The following PDZK1 variants were observed in gnomAD, a reference collection of about 807,000 sequenced individuals.
PDZK1 encodes the protein Na(+)/H(+) exchange regulatory cofactor NHE-RF3.
PDZK1 carries 23 observed loss-of-function variants against 38.1 expected under a neutral mutation model. That is an observed-to-expected ratio of 0.60 (90% CI 0.43 to 0.85). The LOEUF (loss-of-function observed/expected upper bound fraction) is 0.85, where lower values mean the gene tolerates loss of function less well. PDZK1 is among the 40% of genes least tolerant of loss of function. The probability of loss-of-function intolerance (pLI) is 0.00; values close to 1 mark genes in which losing one functional copy is unlikely to be tolerated. For synonymous variants in PDZK1, 98 were observed against 186.2 expected (o/e 0.53, Z 3.86); for missense variants, 297 against 504.3 (o/e 0.59, Z 3.94).
intron 1 of PDZK1, among the ~76,000 whole-genome samples, chr1:145,700,407 C>T (rs781996301): frequency 3.9e-5 from 6 of 152,134 alleles, no homozygotes; most frequent in Non-Finnish European, 7.3e-5. Flanking sequence ...AGTGGATAAG[C>T]TCTAACAGAA....
intron 1 of PDZK1, among the ~76,000 whole-genome samples, chr1:145,696,525 CA>C (rs1553704150): frequency 6.6e-6 from 1 of 152,174 alleles, no homozygotes; most frequent in Non-Finnish European, 1.5e-5. Flanking sequence ...GAGGAAGAGA[CA>C]TCAGAGAGGC....
chr1:145,699,251 AT>A (rs782255690), intron 1 of PDZK1, among the ~76,000 whole-genome samples: 6 of 152,022 alleles, frequency 3.9e-5, no homozygotes, highest in Non-Finnish European at 7.4e-5. Context: ...TTAAAAAAAA[AT>A]AAAATAAATT....
intron 2 of PDZK1, 61 bp downstream of exon 2, chr1:145,687,751 A>T: frequency 5.0e-6 from 7 of 1,399,018 alleles, no homozygotes; most frequent in Non-Finnish European, 7.1e-6. Context: ...AATTATAATC[A>T]GCAGAGAAGA....
intron 6 of PDZK1, among the ~76,000 whole-genome samples, chr1:145,676,378 C>T (rs1470033001): frequency 1.1e-4 from 16 of 151,968 alleles, no homozygotes; most frequent in Admixed American, 7.2e-4. Context: ...TCAGTTGGTT[C>T]TTAAGCCAAA....
At chr1:145,677,055 A>G (rs1553699432) in intron 6 of PDZK1, among the ~76,000 whole-genome samples, 3 of 152,214 alleles carry the variant, frequency 2.0e-5, no homozygotes, top group Non-Finnish European at 2.9e-5. Context: ...GGTGGTAACT[A>G]TATTACCAGG....
chr1:145,702,464 T>C (rs1298027543), intron 1 of PDZK1, among the ~76,000 whole-genome samples: 1 of 152,102 alleles, frequency 6.6e-6, no homozygotes, highest in Admixed American at 6.5e-5. Flanking sequence ...TTGTGACTTT[T>C]TGAACTTGCA....
chr1:145,701,330 G>A (rs1655948529), intron 1 of PDZK1, among the ~76,000 whole-genome samples: 1 of 150,974 alleles, frequency 6.6e-6, no homozygotes, highest in Non-Finnish European at 1.5e-5. Flanking sequence ...CTTCTGTTTT[G>A]TTGAGGCATA....
chr1:145,692,697 G>T (rs782788735), intron 1 of PDZK1, among the ~76,000 whole-genome samples: 4 of 147,172 alleles, frequency 2.7e-5, no homozygotes, highest in Admixed American at 1.4e-4. Context: ...ACAACAGTGA[G>T]ATTCCGTCTC....
intron 5 of PDZK1, among the ~76,000 whole-genome samples, chr1:145,679,817 A>C (rs1553699971): frequency 6.6e-6 from 1 of 152,200 alleles, no homozygotes; most frequent in Non-Finnish European, 1.5e-5. Context: ...TTGTCTGATA[A>C]GCCAAGTTCA....
chr1:145,697,902 GCCACTGCAC>G, intron 1 of PDZK1, among the ~76,000 whole-genome samples: 1 of 149,854 alleles, frequency 6.7e-6, no homozygotes, highest in Non-Finnish European at 1.5e-5. Context: ...ACAGGCATGA[GCCACTGCAC>G]CCAGCCTGGA....
chr1:145,701,659 C>T (rs1316776743), intron 1 of PDZK1, among the ~76,000 whole-genome samples: 2 of 152,198 alleles, frequency 1.3e-5, no homozygotes, highest in African/African-American at 4.8e-5. Context: ...GACTCCAAGG[C>T]TTCATGCCTC....
intron 3 of PDZK1, among the ~76,000 whole-genome samples, chr1:145,682,946 G>A (rs1553700697): frequency 6.6e-6 from 1 of 152,092 alleles, no homozygotes; most frequent in African/African-American, 2.4e-5. Flanking sequence ...TACATGTTTT[G>A]TGGCTGTCCA....
chr1:145,679,845 T>C, intron 5 of PDZK1, among the ~76,000 whole-genome samples: 1 of 152,358 alleles, frequency 6.6e-6, no homozygotes, highest in East Asian at 1.9e-4. Context: ...CAGTCTTGCA[T>C]AGAAGTCCCC....
At chr1:145,676,139 C>T (rs1174350730) in intron 6 of PDZK1, 1 of 975,442 alleles carries the variant, frequency 1.0e-6, no homozygotes, top group Non-Finnish European at 1.2e-6. Context: ...TACCCTCCAC[C>T]CCAACCTACA....
intron 1 of PDZK1, among the ~76,000 whole-genome samples, chr1:145,692,366 T>C (rs1180142200): frequency 2.0e-5 from 3 of 152,188 alleles, no homozygotes; most frequent in Non-Finnish European, 4.4e-5. Context: ...CTGGGAGCTG[T>C]TCCTGAGTGC....
At chr1:145,704,902 A>G (rs1049916028) in intron 1 of PDZK1, among the ~76,000 whole-genome samples, 5 of 152,148 alleles carry the variant, frequency 3.3e-5, no homozygotes, top group Non-Finnish European at 5.9e-5. Flanking sequence ...TTCCTGAGGA[A>G]CACCTCATCA....
chr1:145,699,064 C>T (rs373684971), intron 1 of PDZK1, among the ~76,000 whole-genome samples: 1 of 151,972 alleles, frequency 6.6e-6, no homozygotes, highest in Non-Finnish European at 1.5e-5. Flanking sequence ...TTGGCGAAAC[C>T]CTGTCTCTAC....
intron 1 of PDZK1, among the ~76,000 whole-genome samples, chr1:145,698,151 A>C (rs1282565138): frequency 6.6e-6 from 1 of 152,146 alleles, no homozygotes; most frequent in African/African-American, 2.4e-5. Flanking sequence ...AATATGGAGC[A>C]AAAGTACCAC....
At chr1:145,674,308 A>T (rs1271471965) in intron 6 of PDZK1, 48 of 981,884 alleles carry the variant, frequency 4.9e-5, no homozygotes, top group Non-Finnish European at 5.7e-5. Context: ...TCCTTTCGGT[A>T]AGATGGTCTT....
Sources: gnomAD v4.1 joint callset for allele counts (sites outside exome capture counted in the v4.1 genomes callset) on GRCh38, gnomAD v4.1.1 for gene constraint, MANE v1.5 for transcripts, NCBI Gene and HGNC (gene_info 2026-07-23, HGNC 2026-07-21) for gene names.